Variants in ROR2 observed in about 807,000 individuals in gnomAD.
ROR2 encodes the protein ROR family WNT receptor 2, also known as tyrosine-protein kinase transmembrane receptor ROR2.
A neutral mutation model predicts 74.9 loss-of-function variants in ROR2; 33 were observed. That is an observed-to-expected ratio of 0.44 (90% CI 0.33 to 0.59). The LOEUF (loss-of-function observed/expected upper bound fraction) is 0.59. Among genes scored for constraint, ROR2 ranks in the 20% least tolerant of loss-of-function variants. The pLI, the probability that ROR2 is intolerant of heterozygous loss-of-function variation, is 0.02. For synonymous variants in ROR2, 586 were observed against 558.7 expected, an observed-to-expected ratio of 1.05 and a Z score of -0.69; for missense variants, 1,216 against 1,313.8, an observed-to-expected ratio of 0.93 and a Z score of 1.15.
At chr9:91,936,567 G>A (rs1831694776) in intron 1 of ROR2, among the ~76,000 whole-genome samples, 1 of 152,162 alleles carries the variant, frequency 6.6e-6, no homozygotes, top group Admixed American at 6.5e-5. Flanking sequence ...TGGAAGTTAG[G>A]ACTTCAACAT....
At chr9:91,725,992 T>C (rs1837016040) in intron 8 of ROR2, among the ~76,000 whole-genome samples, 1 of 152,236 alleles carries the variant, frequency 6.6e-6, no homozygotes, top group African/African-American at 2.4e-5. Flanking sequence ...AATGCCCTTT[T>C]ACAACACAAC....
At chr9:91,766,554 C>T (rs542525335) in intron 2 of ROR2, among the ~76,000 whole-genome samples, 1 of 152,302 alleles carries the variant, frequency 6.6e-6, no homozygotes, top group Non-Finnish European at 1.5e-5. Flanking sequence ...AACATGAAAG[C>T]GGGAAAGAAA....
At position 91,756,541 on chromosome 9, in the gene ROR2, C is replaced by T. The variant is rs78607814; in HGVS notation, c.464-440G>A. ...AGACTCAGAATCTCTGGTCATCGCACTCAGCTCTCTCCCCACCCCAGCCAG... is the reference window on the plus strand; with the variant it reads ...AGACTCAGAATCTCTGGTCATCGCATTCAGCTCTCTCCCCACCCCAGCCAG... On this transcript the variant is annotated intron_variant, in intron 3 of 8. Coordinates refer to ENST00000375708, the MANE Select transcript of ROR2 (RefSeq NM_004560.4). 6.4e-3 allele frequency among the ~76,000 whole-genome samples: 968 copies of T among 152,038 alleles called. 8 individuals carry two copies. Among genetic ancestry groups the T allele is most frequent in the African/African-American group, 0.022 (904 of 41,460 alleles).
At chr9:91,742,212 G>A (rs1220059892) in intron 4 of ROR2, among the ~76,000 whole-genome samples, 7 of 152,154 alleles carry the variant, frequency 4.6e-5, no homozygotes, top group Non-Finnish European at 8.8e-5. Flanking sequence ...ATCAGACCTC[G>A]TGAGACTTAC....
rs149091098 is a variant in ROR2, at chr9:91,933,088, G to A, written c.97+16779C>T. 7.7e-3 allele frequency among the ~76,000 whole-genome samples: 1,175 copies of A among 152,262 alleles called. 9 individuals carry two copies. Among genetic ancestry groups the A allele is most frequent in the Middle Eastern group, 0.014 (4 of 294 alleles). On this transcript the variant is annotated intron_variant, in intron 1 of 8. Transcript: ENST00000375708. ...AGCACTTTGGAAGGCCAAGGCAGGC[G>A]GATCATGAGGTCAGAACATCGAGAC...
At chr9:91,808,415 A>T (rs1827634869) in intron 1 of ROR2, among the ~76,000 whole-genome samples, 1 of 152,204 alleles carries the variant, frequency 6.6e-6, no homozygotes, top group Non-Finnish European at 1.5e-5. Flanking sequence ...CGGGCGGAAG[A>T]GGTCAGGAGA....
chr9:91,862,253 C>T (rs765472130), intron 1 of ROR2, among the ~76,000 whole-genome samples: 5 of 152,044 alleles, frequency 3.3e-5, no homozygotes, highest in Non-Finnish European at 5.9e-5. Flanking sequence ...TGGTGTGAAC[C>T]CAGGAAGCGG....
chr9:91,746,797 G>A lies in ROR2; in HGVS notation c.494+9274C>T, dbSNP rs564644748. ...ATGGCCCCAGGAAGGTGATTTCCCA[G>A]AGGCCAATAATTAACATAACTTTTC... On this transcript the variant is annotated intron_variant, in intron 4 of 8. Transcript: ENST00000375708. 9.9e-5 allele frequency among the ~76,000 whole-genome samples: 15 copies of A among 152,272 alleles called. No homozygotes were observed. The South Asian group carries it at 3.1e-3, about 32-fold the overall frequency.
chr9:91,723,994 G>T lies in ROR2; in HGVS notation c.2500C>A (p.Leu834Met). 6.2e-7 allele frequency: 1 copy of T among 1,612,932 alleles called. No individual in the cohort carries two copies. The highest frequency in any genetic ancestry group is 1.1e-5 in the South Asian group (1 of 91,090). ...YQPVPAYGAY[L>M]PNFYPVQIPM... Reference sequence around the variant, plus strand: ...ATCTGCACCGGGTAGAAGTTGGGCAGGTAGGCCCCATAGGCCGGCACCGGC... The same window carrying T: ...ATCTGCACCGGGTAGAAGTTGGGCATGTAGGCCCCATAGGCCGGCACCGGC... The change falls in exon 9 of 9, where the codon CTG becomes ATG. Residue 834 changes from leucine to methionine, a missense_variant. By Grantham distance (15) the Leu-to-Met change is conservative. Transcript: ENST00000375708.
chr9:91,802,916 T>C (rs1827437313), intron 1 of ROR2, among the ~76,000 whole-genome samples: 1 of 152,040 alleles, frequency 6.6e-6, no homozygotes, highest in Non-Finnish European at 1.5e-5. Flanking sequence ...AAGACATGTA[T>C]ATGGCCACCG....
At chr9:91,948,998 G>T (rs935361877) in intron 1 of ROR2, 4 of 913,650 alleles carry the variant, frequency 4.4e-6, no homozygotes, top group Non-Finnish European at 5.2e-6. Context: ...GTTCCTCTGC[G>T]CCCCGGATCC....
intron 1 of ROR2, among the ~76,000 whole-genome samples, chr9:91,930,936 C>A (rs556067235): frequency 6.6e-6 from 1 of 152,266 alleles, no homozygotes; most frequent in African/African-American, 2.4e-5. Context: ...CTCAAAAATT[C>A]ATAGTATTTG....
At chr9:91,889,466 G>A (rs2119392555) in intron 1 of ROR2, among the ~76,000 whole-genome samples, 2 of 152,296 alleles carry the variant, frequency 1.3e-5, no homozygotes, top group Middle Eastern at 3.4e-3. Context: ...GGGTGCCTCG[G>A]CGTCTCTGTT....
intron 1 of ROR2, among the ~76,000 whole-genome samples, chr9:91,892,741 C>G (rs901105383): frequency 1.3e-5 from 2 of 151,920 alleles, no homozygotes; most frequent in Non-Finnish European, 2.9e-5. Flanking sequence ...AGGTGCCCAC[C>G]ACCACACCCG....
chr9:91,750,910 G>A (rs1825578363), intron 4 of ROR2, among the ~76,000 whole-genome samples: 1 of 152,208 alleles, frequency 6.6e-6, no homozygotes, highest in Non-Finnish European at 1.5e-5. Context: ...CTGGTGAAAT[G>A]TAATGTAAAA....
intron 1 of ROR2, among the ~76,000 whole-genome samples, chr9:91,812,691 C>T (rs191523176): frequency 1.3e-5 from 2 of 152,138 alleles, no homozygotes; most frequent in Admixed American, 6.5e-5. Flanking sequence ...TCCCTCACAC[C>T]CGTGGGACTT....
intron 1 of ROR2, among the ~76,000 whole-genome samples, chr9:91,819,094 A>G (rs1366975101): frequency 1.3e-5 from 2 of 152,028 alleles, no homozygotes; most frequent in African/African-American, 4.8e-5. Flanking sequence ...TAGGGGAGGG[A>G]AATGGCCACA....
intron 1 of ROR2, among the ~76,000 whole-genome samples, chr9:91,945,799 G>C (rs188347918): frequency 2.2e-4 from 34 of 152,278 alleles, no homozygotes; most frequent in African/African-American, 8.2e-4. Flanking sequence ...ATTTTAAACA[G>C]ATTACACCCC....
intron 1 of ROR2, among the ~76,000 whole-genome samples, chr9:91,896,806 T>C (rs1204077131): frequency 6.6e-6 from 1 of 152,244 alleles, no homozygotes. Flanking sequence ...CTTATTACTT[T>C]CTAATCATTT....
Sources: gnomAD v4.1 joint callset for allele counts (sites outside exome capture counted in the v4.1 genomes callset) on GRCh38, gnomAD v4.1.1 for gene constraint, MANE v1.5 for transcripts, NCBI Gene and HGNC (gene_info 2026-07-23, HGNC 2026-07-21) for gene names.